ARHGAP32: variants seen among roughly 807,000 people sequenced by gnomAD.
ARHGAP32 encodes the protein rho GTPase-activating protein 32.
A neutral mutation model predicts 186.5 loss-of-function variants in ARHGAP32; 51 were observed. The ratio of observed to expected loss-of-function variants is 0.27; its 90% CI spans 0.22 to 0.35. The LOEUF (loss-of-function observed/expected upper bound fraction) is 0.35. Ranked by LOEUF, ARHGAP32 falls within the 10% of genes least tolerant of loss-of-function variation. The probability of loss-of-function intolerance (pLI) is 1.00; values close to 1 mark genes in which losing one functional copy is unlikely to be tolerated. For missense variants in ARHGAP32, 2,186 were observed against 2,623.5 expected, an observed-to-expected ratio of 0.83 and a Z score of 3.64; for synonymous variants, 950 against 964.3, an observed-to-expected ratio of 0.99 and a Z score of 0.27.
chr11:129,018,701 A>G (rs1448664245), intron 11 of ARHGAP32, among the ~76,000 whole-genome samples: 7 of 152,178 alleles, frequency 4.6e-5, no homozygotes, highest in Admixed American at 4.6e-4. Context: ...TTTACAAATA[A>G]CTGGACTCAA....
intron 10 of ARHGAP32, among the ~76,000 whole-genome samples, chr11:129,053,589 T>C (rs1221470120): frequency 1.3e-5 from 2 of 152,194 alleles, no homozygotes; most frequent in African/African-American, 2.4e-5. Context: ...AACTCTGCAA[T>C]ATACAGTGTA....
At chr11:128,979,331 T>C (rs917218473) in intron 18 of ARHGAP32, among the ~76,000 whole-genome samples, 1 of 152,108 alleles carries the variant, frequency 6.6e-6, no homozygotes, top group African/African-American at 2.4e-5. Context: ...ATAACAAACA[T>C]ATACTGAATG....
At chr11:129,211,809 T>A (rs962405866) in intron 1 of ARHGAP32, among the ~76,000 whole-genome samples, 1 of 152,234 alleles carries the variant, frequency 6.6e-6, no homozygotes, top group Non-Finnish European at 1.5e-5. Flanking sequence ...ATGCTTTTAC[T>A]TTCTGCAATG....
chr11:129,184,540 C>CA (rs946616717), intron 1 of ARHGAP32, among the ~76,000 whole-genome samples: 22 of 151,564 alleles, frequency 1.5e-4, no homozygotes, highest in Admixed American at 3.9e-4. Flanking sequence ...AGAACAAGTA[C>CA]AAAAAAACTT....
In ARHGAP32 at chr11:129,123,382, G is replaced by A. The variant is rs1360973034; in HGVS notation, c.444+64C>T. 2.3e-6 allele frequency: 3 copies of A among 1,297,118 alleles called. No homozygotes were observed. In the African/African-American group the frequency reaches 4.4e-5, roughly 19 times the overall value. The allele number at this position is 1,297,118 out of a possible 1,614,324, so 80.4% of individuals were successfully genotyped here. On this transcript the variant is annotated intron_variant, in intron 5 of 22. Transcript: ENST00000682385. This position sits in a 1 kb window ranked among gnomAD's most constrained non-coding sequence, Gnocchi z 4.6. ...CTATTAGATACAGATATATAGATAA[G>A]CATCTAGATATAAAGGTAAATGTGT...
At chr11:129,066,643 G>C in intron 7 of ARHGAP32, 88 bp downstream of exon 7, 1 of 1,285,860 alleles carries the variant, frequency 7.8e-7, no homozygotes, top group Non-Finnish European at 1.1e-6. Context: ...TGCGTGTTCA[G>C]TATAAGCTTT....
intron 21 of ARHGAP32, chr11:128,973,908 T>C: frequency 1.7e-6 from 1 of 576,970 alleles, no homozygotes; most frequent in Non-Finnish European, 3.0e-6. Context: ...TAAGGGGACT[T>C]TTGTGAAGAT....
At chr11:129,189,980 G>A (rs1396940418) in intron 1 of ARHGAP32, among the ~76,000 whole-genome samples, 1 of 152,172 alleles carries the variant, frequency 6.6e-6, no homozygotes, top group Admixed American at 6.5e-5. Context: ...CAGGGAAAAA[G>A]AAAAGTGCAC....
intron 11 of ARHGAP32, among the ~76,000 whole-genome samples, chr11:129,018,165 G>T (rs1273693541): frequency 6.6e-6 from 1 of 151,894 alleles, no homozygotes; most frequent in African/African-American, 2.4e-5. Context: ...CCTTTGCAGT[G>T]ACATAAATGA....
intron 2 of ARHGAP32, among the ~76,000 whole-genome samples, chr11:129,129,676 A>G (rs924835126): frequency 6.6e-6 from 1 of 151,798 alleles, no homozygotes; most frequent in Non-Finnish European, 1.5e-5. Flanking sequence ...GACTCCAAAA[A>G]TATATATATA....
At chr11:129,050,868 G>C (rs1040952962) in intron 10 of ARHGAP32, among the ~76,000 whole-genome samples, 15 of 152,092 alleles carry the variant, frequency 9.9e-5, no homozygotes, top group African/African-American at 3.6e-4. Flanking sequence ...TTCAACTCCT[G>C]CTTATGAGTG....
intron 13 of ARHGAP32, 89 bp from the exon 14 acceptor site, chr11:128,986,757 G>T: frequency 3.8e-6 from 5 of 1,308,652 alleles, no homozygotes; most frequent in Non-Finnish European, 5.3e-6. Context: ...CTCCAAAAGT[G>T]TTCAGCTCTA....
intron 2 of ARHGAP32, among the ~76,000 whole-genome samples, chr11:129,134,864 GA>G (rs1481755275): frequency 6.6e-6 from 1 of 152,126 alleles, no homozygotes; most frequent in Non-Finnish European, 1.5e-5. Flanking sequence ...CCACATCTAA[GA>G]AAGAAACCCT....
chr11:129,088,994 T>TA (rs1565416702), intron 6 of ARHGAP32, among the ~76,000 whole-genome samples: 2 of 65,568 alleles, frequency 3.1e-5, no homozygotes, highest in African/African-American at 9.9e-5. Context: ...AGAGACCTTG[T>TA]CAAAAAAAAA....
intron 10 of ARHGAP32, among the ~76,000 whole-genome samples, chr11:129,057,282 C>A (rs919695983): frequency 3.3e-5 from 5 of 152,042 alleles, no homozygotes; most frequent in Non-Finnish European, 7.4e-5. Flanking sequence ...TCAGAGAGAC[C>A]CCAAGGAGAG....
At chr11:129,035,811 T>C (rs1939308430) in intron 11 of ARHGAP32, among the ~76,000 whole-genome samples, 1 of 151,718 alleles carries the variant, frequency 6.6e-6, no homozygotes, top group Admixed American at 6.6e-5. Flanking sequence ...GCCACCGCAC[T>C]CCAGCCTGGG....
At chr11:129,188,103 C>T (rs796870502) in intron 1 of ARHGAP32, among the ~76,000 whole-genome samples, 5 of 151,932 alleles carry the variant, frequency 3.3e-5, no homozygotes, top group African/African-American at 1.2e-4. Context: ...TTACAGGAAC[C>T]CGCCACCACA....
chr11:129,173,487 G>A (rs1278092504), intron 1 of ARHGAP32, among the ~76,000 whole-genome samples: 3 of 152,120 alleles, frequency 2.0e-5, no homozygotes, highest in Non-Finnish European at 4.4e-5. Context: ...GCATCATCCT[G>A]ATACCAAAAC....
Position 128,967,949 on chromosome 11 carries a change from T to G in ARHGAP32, c.*958A>C, listed in dbSNP as rs2136052190. 7.0e-6 allele frequency: 1 copy of G among 143,754 alleles called. No individual in the cohort carries two copies. The highest frequency in any genetic ancestry group is 2.2e-4 in the South Asian group (1 of 4,446). The allele number at this position is 143,754 out of a possible 1,614,324, so 8.9% of individuals were successfully genotyped here. On this transcript the variant is annotated 3_prime_UTR_variant, in exon 23 of 23. Coordinates refer to ENST00000682385, the MANE Select transcript of ARHGAP32 (RefSeq NM_001378024.1). ...CTTTTTTTTTTTTTTTTTTTTTTAA[T>G]GAAAGAAAGTTGATAATTTAGGAAA...
Sources: allele counts gnomAD v4.1 joint callset (sites outside exome capture counted in the v4.1 genomes callset), GRCh38; gene constraint gnomAD v4.1.1; non-coding constraint Gnocchi (gnomAD v3.1); transcripts MANE v1.5; gene names NCBI Gene and HGNC (gene_info 2026-07-23, HGNC 2026-07-21).